Variants in CANX observed in about 807,000 individuals in gnomAD.
CANX encodes the protein epididymis secretory sperm binding protein.
In CANX, 14 loss-of-function variants were observed where a neutral mutation model predicts 75.7. That is an observed-to-expected ratio of 0.19 (90% CI 0.12 to 0.29). The LOEUF (loss-of-function observed/expected upper bound fraction) is 0.29, where lower values mean the gene tolerates loss of function less well. Among genes scored for constraint, CANX ranks in the 10% least tolerant of loss-of-function variants. The pLI is 1.00. For missense variants in CANX, 567 were observed against 713.2 expected, an observed-to-expected ratio of 0.79 and a Z score of 2.34; for synonymous variants, 227 against 236.9, an observed-to-expected ratio of 0.96 and a Z score of 0.38.
chr5:179,708,593 C>T (rs966671340), intron 5 of CANX, among the ~76,000 whole-genome samples: 2 of 152,110 alleles, frequency 1.3e-5, no homozygotes, highest in Non-Finnish European at 2.9e-5. Flanking sequence ...CTCTAAATAA[C>T]TTGTAGATTT....
chr5:179,730,743 G>C lies in CANX; in HGVS notation c.*2099G>C, dbSNP rs1358084897. The C allele has an allele frequency of 1.3e-5, 2 of 152,314 alleles. No homozygotes were observed. The highest frequency in any genetic ancestry group is 3.9e-4 in the East Asian group (2 of 5,190). 9.4% of individuals were successfully genotyped at this position (152,314 alleles called of 1,614,324 possible). A position where few individuals can be genotyped will look rare whatever the true frequency, so the allele number is the denominator to read the frequency against. The stretch of plus-strand genomic sequence containing the variant: ...ACACATTAATGAATGACCAGCAGCA[G>C]CTTTCAGCTCTTAAAAAGACACTTA... On this transcript the variant is annotated 3_prime_UTR_variant, in exon 15 of 15. Coordinates refer to ENST00000247461, the MANE Select transcript of CANX (RefSeq NM_001746.4).
chr5:179,716,361 C>A, intron 8 of CANX, 67 bp downstream of exon 8: 1 of 1,191,732 alleles, frequency 8.4e-7, no homozygotes, highest in Non-Finnish European at 1.2e-6. Context: ...GCTTGAACAA[C>A]GAAATGTTGG....
chr5:179,689,499 T>C (rs188544334), intron 1 of CANX, among the ~76,000 whole-genome samples: 41 of 150,060 alleles, frequency 2.7e-4, no homozygotes, highest in Non-Finnish European at 4.1e-4. Flanking sequence ...GCGATTCTCC[T>C]GTCTCAGCCT....
At chr5:179,713,971 ATTTG>A (rs1226087611) in intron 7 of CANX, among the ~76,000 whole-genome samples, 2 of 151,760 alleles carry the variant, frequency 1.3e-5, no homozygotes, top group African/African-American at 2.4e-5. Context: ...AATTACTGTG[ATTTG>A]TTTGTTTTGT....
chr5:179,703,838 T>C (rs1320254234), intron 1 of CANX, among the ~76,000 whole-genome samples: 1 of 152,072 alleles, frequency 6.6e-6, no homozygotes. Context: ...TTTTGGGTGA[T>C]GAGTCTTCTT....
intron 1 of CANX, among the ~76,000 whole-genome samples, chr5:179,703,486 G>A (rs1776911061): frequency 6.6e-6 from 1 of 152,200 alleles, no homozygotes; most frequent in East Asian, 1.9e-4. Flanking sequence ...GATTACAGGC[G>A]TGAGCCACCC....
At chr5:179,720,941 G>A (rs1778271097) in intron 10 of CANX, among the ~76,000 whole-genome samples, 1 of 151,888 alleles carries the variant, frequency 6.6e-6, no homozygotes, top group Non-Finnish European at 1.5e-5. Context: ...CTGCCACCAC[G>A]CCTGGCTAAT....
upstream of CANX, chr5:179,694,277 T>TAAAAAGAA: frequency 6.1e-6 from 3 of 493,008 alleles, no homozygotes; most frequent in Non-Finnish European, 1.1e-5. Context: ...GAGAAGAATG[T>TAAAAAGAA]AAAAAGAAAA....
chr5:179,717,312 T>C (rs1400972315), intron 8 of CANX, among the ~76,000 whole-genome samples: 1 of 152,226 alleles, frequency 6.6e-6, no homozygotes, highest in Non-Finnish European at 1.5e-5. Flanking sequence ...TTCAGTATTA[T>C]ATTCCTTAAC....
rs536166645 is a variant in CANX, at chr5:179,723,224, GT to G, written c.1398+215del. Among the ~76,000 whole-genome samples, 33 of 147,808 alleles carry G rather than the reference GT, an allele frequency of 2.2e-4. 1 individual carries two copies. Among genetic ancestry groups the G allele is most frequent in the Middle Eastern group, 3.4e-3 (1 of 292 alleles). ...GCTTTAGAGTCTGTTTGTGTTCAGGGTTTTTTTTTTATTATTTGTCTGGGTA... is the reference window on the plus strand; with the variant it reads ...GCTTTAGAGTCTGTTTGTGTTCAGGGTTTTTTTTTATTATTTGTCTGGGTA... On this transcript the variant is annotated intron_variant, in intron 11 of 14. Transcript: ENST00000247461.
upstream of CANX, among the ~76,000 whole-genome samples, chr5:179,695,656 TTTTA>T (rs1262073945): frequency 2.8e-5 from 4 of 140,682 alleles, no homozygotes; most frequent in Non-Finnish European, 6.1e-5. Context: ...TTATTTTTAT[TTTTA>T]TTTTTTTTGA....
chr5:179,681,976 G>A (rs6879412), intron 1 of CANX, among the ~76,000 whole-genome samples: 59,159 of 147,614 alleles, frequency 0.4, 12,074 homozygotes, highest in South Asian at 0.56. Flanking sequence ...AGGGCCAGGC[G>A]CGATGTTTCA....
chr5:179,720,600 G>C, intron 10 of CANX, 40 bp downstream of exon 10: 1 of 1,589,430 alleles, frequency 6.3e-7, no homozygotes, highest in South Asian at 1.1e-5. Flanking sequence ...TCATTAATCT[G>C]TTTGTATTCA....
At chr5:179,707,505 A>G (rs1363513132) in intron 4 of CANX, among the ~76,000 whole-genome samples, 2 of 144,872 alleles carry the variant, frequency 1.4e-5, no homozygotes, top group African/African-American at 5.2e-5. Context: ...AATGGTGTGA[A>G]CCCGGGAGGC....
chr5:179,698,937 G>A (rs1014754304), upstream of CANX: 125 of 1,131,102 alleles, frequency 1.1e-4, no homozygotes, highest in Admixed American at 4.7e-5. Flanking sequence ...ACAGGGCCGG[G>A]CTTCGTGCGG....
In CANX at chr5:179,716,055, G is replaced by A. The variant is rs747015764; in HGVS notation, c.722-50G>A. ...TCATGATCTTTTGTATTATGGTAAAGGGAGCTTGGAAAATTAAGTACTTTT... is the reference window on the plus strand; with the variant it reads ...TCATGATCTTTTGTATTATGGTAAAAGGAGCTTGGAAAATTAAGTACTTTT... On this transcript the variant is annotated intron_variant, in intron 7 of 14. Transcript: ENST00000247461. 14 of 1,303,486 alleles carry A rather than the reference G, an allele frequency of 1.1e-5. No individual in the cohort carries two copies. In the Admixed American group the frequency reaches 2.0e-4, roughly 19 times the overall value. 80.7% of individuals were successfully genotyped at this position (1,303,486 alleles called of 1,614,324 possible).
rs766483050 is a variant in CANX, at chr5:179,723,420, G to A, written c.1399-240G>A. ...TTCACTGGATCCTGAGGTTAAGGGA[G>A]CCTTTTGCAGGTGATGTAGAAGCCA... On this transcript the variant is annotated intron_variant, in intron 11 of 14. Transcript: ENST00000247461. 1.7e-4 allele frequency: 80 copies of A among 473,834 alleles called. 1 individual carries two copies. Among genetic ancestry groups the A allele is most frequent in the Non-Finnish European group, 2.8e-4 (76 of 271,338 alleles). 29.4% of individuals were successfully genotyped at this position (473,834 alleles called of 1,614,324 possible). A position where few individuals can be genotyped will look rare whatever the true frequency, so the allele number is the denominator to read the frequency against.
rs1175757571 is a variant in CANX, at chr5:179,730,205, C to T, written c.*1561C>T. 1 of 152,528 alleles carries T rather than the reference C, an allele frequency of 6.6e-6. No homozygotes were observed. The highest frequency in any genetic ancestry group is 1.5e-5 in the Non-Finnish European group (1 of 68,026). 9.4% of individuals were successfully genotyped at this position (152,528 alleles called of 1,614,324 possible). A position where few individuals can be genotyped will look rare whatever the true frequency, so the allele number is the denominator to read the frequency against. ...CTGTTTCTTGCACTGAATATATAAA[C>T]ACTCCACAGTGTTTATATTGGGAAG... On this transcript the variant is annotated 3_prime_UTR_variant, in exon 15 of 15. Transcript: ENST00000247461.
In CANX at chr5:179,720,617, A is replaced by G. The variant is rs1778248235; in HGVS notation, c.1182+57A>G. ...ATTAATCTGTTTGTATTCAGATAGA[A>G]GTTTTATCTAGAGTAAGGCTGCCAG... is the stretch of plus-strand genomic sequence containing the variant. On this transcript the variant is annotated intron_variant, in intron 10 of 14. Coordinates refer to ENST00000247461, the MANE Select transcript of CANX (RefSeq NM_001746.4). 2.0e-6 allele frequency: 3 copies of G among 1,512,262 alleles called. No individual in the cohort carries two copies. The East Asian group carries it at 6.8e-5, about 34-fold the overall frequency. 93.7% of individuals were successfully genotyped at this position (1,512,262 alleles called of 1,614,324 possible).
Sources: allele counts gnomAD v4.1 joint callset (sites outside exome capture counted in the v4.1 genomes callset), GRCh38; gene constraint gnomAD v4.1.1; transcripts MANE v1.5; gene names NCBI Gene and HGNC (gene_info 2026-07-23, HGNC 2026-07-21).